SH3BP4: variants seen among roughly 807,000 people sequenced by gnomAD.
SH3BP4 encodes the protein SH3 domain-binding protein 4.
A neutral mutation model predicts 65.5 loss-of-function variants in SH3BP4; 33 were observed. That is an observed-to-expected ratio of 0.50 (90% confidence interval 0.38 to 0.67). The LOEUF is 0.67. Among genes scored for constraint, SH3BP4 ranks in the 30% least tolerant of loss-of-function variants. The pLI is 0.00. For synonymous variants in SH3BP4, 552 were observed against 545.5 expected (o/e 1.01, Z -0.17); for missense variants, 1,134 against 1,261.4 (o/e 0.90, Z 1.53).
chr2:234,986,010 C>T (rs527473553), intron 1 of SH3BP4, among the ~76,000 whole-genome samples: 141 of 150,096 alleles, frequency 9.4e-4, no homozygotes, highest in Middle Eastern at 3.6e-3. Flanking sequence ...CACTCATCTA[C>T]GAGAATAGGG....
Position 235,052,548 on chromosome 2 carries a change from C to G in SH3BP4, c.2479-14C>G, listed in dbSNP as rs1217552689. 2.0e-6 allele frequency: 3 copies of G among 1,537,578 alleles called. No individual in the cohort carries two copies. Among genetic ancestry groups the G allele is most frequent in the Admixed American group, 4.0e-5 (2 of 50,298 alleles). On this transcript the variant is annotated splice_polypyrimidine_tract_variant and intron_variant, in intron 4 of 5. Transcript: ENST00000392011. This position sits in a 1 kb window ranked among gnomAD's most constrained non-coding sequence, Gnocchi z 5.0. The stretch of plus-strand genomic sequence containing the variant: ...CCCTACACTGTCTCACGCTGTGTGC[C>G]TCTTCCTCTGCAGGCCCTACTGAAG...
intron 2 of SH3BP4, among the ~76,000 whole-genome samples, chr2:235,005,861 A>G (rs1694276472): frequency 6.6e-6 from 1 of 152,218 alleles, no homozygotes; most frequent in African/African-American, 2.4e-5. Flanking sequence ...TGGCCGTCCC[A>G]GGGTCCCAGG....
At chr2:234,963,970 C>T (rs764650919) in intron 1 of SH3BP4, among the ~76,000 whole-genome samples, 3 of 152,184 alleles carry the variant, frequency 2.0e-5, no homozygotes, top group Non-Finnish European at 2.9e-5. Flanking sequence ...GGTCTGGTGT[C>T]GCAAGCCTTC....
chr2:234,984,398 G>A (rs1022225440), intron 1 of SH3BP4, among the ~76,000 whole-genome samples: 2 of 151,348 alleles, frequency 1.3e-5, no homozygotes, highest in South Asian at 4.2e-4. Flanking sequence ...TTGTAGAGAC[G>A]AAGTCTTGCT....
chr2:234,977,298 C>T lies in SH3BP4; in HGVS notation c.-206-18005C>T, dbSNP rs147297109. On this transcript the variant is annotated intron_variant, in intron 1 of 5. Coordinates refer to ENST00000392011, the MANE Select transcript of SH3BP4 (RefSeq NM_014521.3). The surrounding 1 kb of genome is among the most constrained non-coding windows in gnomAD (Gnocchi z 5.1). ...GGAACTTCCCTTTCCTACAGACCCT[C>T]GCTTGGTGCGCCATGGCAGCTGGGC... Among the ~76,000 whole-genome samples, 529 of 152,252 alleles carry T rather than the reference C, an allele frequency of 3.5e-3. 3 individuals carry two copies. Among genetic ancestry groups the T allele is most frequent in the African/African-American group, 0.012 (516 of 41,544 alleles).
chr2:234,953,885 G>A (rs1043641490), intron 1 of SH3BP4, among the ~76,000 whole-genome samples: 1 of 151,778 alleles, frequency 6.6e-6, no homozygotes, highest in African/African-American at 2.4e-5. Flanking sequence ...AAGAGGCAGC[G>A]CTCTCCAATC....
At chr2:235,012,784 G>T (rs982004681) in intron 2 of SH3BP4, among the ~76,000 whole-genome samples, 1 of 152,162 alleles carries the variant, frequency 6.6e-6, no homozygotes, top group African/African-American at 2.4e-5. Flanking sequence ...AACTCATGCC[G>T]TGCCATTGTC....
At chr2:234,964,889 C>T (rs1692801622) in intron 1 of SH3BP4, among the ~76,000 whole-genome samples, 1 of 152,078 alleles carries the variant, frequency 6.6e-6, no homozygotes, top group South Asian at 2.1e-4. Flanking sequence ...GGTGACCCAT[C>T]CATCATCGAC....
At chr2:235,027,560 G>A (rs1695041469) in intron 2 of SH3BP4, among the ~76,000 whole-genome samples, 1 of 152,212 alleles carries the variant, frequency 6.6e-6, no homozygotes, top group Non-Finnish European at 1.5e-5. Flanking sequence ...ACAGAGAGCA[G>A]GTGGAATCTC....
chr2:235,040,943 G>C lies in SH3BP4; in HGVS notation c.174G>C (p.Lys58Asn). The change falls in exon 4 of 6, where the codon AAG becomes AAC. Residue 58 changes from lysine (K) to asparagine (N), a missense_variant. Physicochemically the swap from Lys to Asn is moderately conservative, Grantham distance 94. Coordinates refer to ENST00000392011, the MANE Select transcript of SH3BP4 (RefSeq NM_014521.3). ...ACCCCACACCTTTCGGAAATGCAAA[G>C]GAAGTGATTGCGATCAAGGACTATT... The part of the protein sequence containing the change: ...VDNPTPFGNA[K>N]EVIAIKDYCP... 1 of 1,614,154 alleles carries C rather than the reference G, an allele frequency of 6.2e-7. No homozygotes were observed. The highest frequency in any genetic ancestry group is 8.5e-7 in the Non-Finnish European group (1 of 1,180,014).
Position 235,042,492 on chromosome 2 carries a change from C to T in SH3BP4, c.1723C>T (p.Pro575Ser). ...KLGKVSRLIF[P>S]ITSQNPNELS... ...GGGCAAGGTGAGCCGCCTGATCTTC[C>T]CCATCACCTCCCAGAACCCCAACGA... Residue 575 changes from proline (P) to serine (S), a missense_variant, in exon 4 of 6, where the codon CCC becomes TCC. Pro to Ser is a moderately conservative substitution (Grantham distance 74, BLOSUM62 -1). Coordinates refer to ENST00000392011, the MANE Select transcript of SH3BP4 (RefSeq NM_014521.3). This position sits in a 1 kb window ranked among gnomAD's most constrained non-coding sequence, Gnocchi z 7.3. The T allele has an allele frequency of 6.2e-7, 1 of 1,614,144 alleles. No individual in the cohort carries two copies. Among genetic ancestry groups the T allele is most frequent in the Admixed American group, 1.7e-5 (1 of 60,024 alleles).
Position 235,031,560 on chromosome 2 carries a change from C to G in SH3BP4, c.-132-3311C>G, listed in dbSNP as rs577179070. Among the ~76,000 whole-genome samples, 6 of 152,358 alleles carry G rather than the reference C, an allele frequency of 3.9e-5. No individual in the cohort carries two copies. The East Asian group carries it at 9.7e-4, about 25-fold the overall frequency. ...TCTCCTGGACAAGACTGACCCTTCA[C>G]CACCGCGTTCCGCCAGCTTACCTGG... On this transcript the variant is annotated intron_variant, in intron 2 of 5. Transcript: ENST00000392011.
Position 234,995,290 on chromosome 2 carries a change from T to G in SH3BP4, c.-206-13T>G, listed in dbSNP as rs1311589007. On this transcript the variant is annotated splice_polypyrimidine_tract_variant and intron_variant, in intron 1 of 5. Transcript: ENST00000392011. ...GGACTGAAGCTCACTCGTGTTTCCT[T>G]CTTGTCTTGCAGCGTCTCCCTTCTC... 1 of 152,252 alleles carries G rather than the reference T, an allele frequency of 6.6e-6. No homozygotes were observed. The highest frequency in any genetic ancestry group is 1.5e-5 in the Non-Finnish European group (1 of 68,102). 9.4% of individuals were successfully genotyped at this position (152,252 alleles called of 1,614,324 possible). A position where few individuals can be genotyped will look rare whatever the true frequency, so the allele number is the denominator to read the frequency against.
intron 2 of SH3BP4, among the ~76,000 whole-genome samples, chr2:235,007,509 C>T (rs986723545): frequency 1.3e-5 from 2 of 152,148 alleles, no homozygotes; most frequent in Admixed American, 6.5e-5. Context: ...TGCTGCAGAT[C>T]GTGCAGTGCC....
chr2:234,970,470 A>G (rs1692969359), intron 1 of SH3BP4, among the ~76,000 whole-genome samples: 2 of 152,232 alleles, frequency 1.3e-5, no homozygotes, highest in African/African-American at 2.4e-5. Context: ...CAGTTTAGAC[A>G]GTTACCTCCT....
At chr2:234,958,719 C>T (rs943258441) in intron 1 of SH3BP4, among the ~76,000 whole-genome samples, 8 of 151,910 alleles carry the variant, frequency 5.3e-5, no homozygotes, top group Admixed American at 4.6e-4. Context: ...GTTGAGAGCT[C>T]AAAGCAGACG....
intron 2 of SH3BP4, among the ~76,000 whole-genome samples, chr2:235,008,326 C>T (rs891451615): frequency 3.9e-5 from 6 of 152,146 alleles, no homozygotes; most frequent in South Asian, 4.1e-4. Context: ...GCTCTGTGGT[C>T]GCCTGGCATG....
chr2:235,023,752 G>C (rs1694913753), intron 2 of SH3BP4, among the ~76,000 whole-genome samples: 1 of 152,092 alleles, frequency 6.6e-6, no homozygotes, highest in Non-Finnish European at 1.5e-5. Flanking sequence ...CAAAGTAGAA[G>C]ATTTTATTAT....
chr2:234,988,260 C>A (rs535473060), intron 1 of SH3BP4, among the ~76,000 whole-genome samples: 1 of 152,088 alleles, frequency 6.6e-6, no homozygotes, highest in South Asian at 2.1e-4. Context: ...AGGGTTTCAC[C>A]GTGTTAGCCA....
Sources: gnomAD v4.1 joint callset for allele counts (sites outside exome capture counted in the v4.1 genomes callset) on GRCh38, gnomAD v4.1.1 for gene constraint, Gnocchi (gnomAD v3.1) non-coding constraint, MANE v1.5 for transcripts, NCBI Gene and HGNC (gene_info 2026-07-23, HGNC 2026-07-21) for gene names.